Variants in MDGA1 observed in about 807,000 individuals in gnomAD.
MDGA1 encodes MAM domain containing glycosylphosphatidylinositol anchor 1.
Under a neutral mutation model 101.5 loss-of-function variants are expected in MDGA1, and 54 were observed. That is an observed-to-expected ratio of 0.53 (90% CI 0.43 to 0.67). The LOEUF is 0.67. Ranked by LOEUF, MDGA1 falls within the 30% of genes least tolerant of loss-of-function variation. The pLI is 0.00. For synonymous variants in MDGA1, 533 were observed against 558.3 expected (o/e 0.95, Z 0.64); for missense variants, 1,083 against 1,323.8 (o/e 0.82, Z 2.82).
At chr6:37,642,089 G>A (rs1280149345) in intron 14 of MDGA1, among the ~76,000 whole-genome samples, 10 of 151,264 alleles carry the variant, frequency 6.6e-5, no homozygotes, top group Admixed American at 4.0e-4. Context: ...ACAATTCAGA[G>A]GGAAAAAGCA....
At chr6:37,675,742 A>G (rs972938597) in intron 1 of MDGA1, among the ~76,000 whole-genome samples, 2 of 152,148 alleles carry the variant, frequency 1.3e-5, no homozygotes, top group African/African-American at 2.4e-5. Flanking sequence ...AGGGTTACTC[A>G]TTGTTACTCA....
chr6:37,694,871 G>A (rs993644606), intron 1 of MDGA1, among the ~76,000 whole-genome samples: 1 of 152,108 alleles, frequency 6.6e-6, no homozygotes, highest in Non-Finnish European at 1.5e-5. Context: ...CCTAGGCACA[G>A]GCGGGAGGGG....
chr6:37,639,019 G>C (rs140710348), intron 14 of MDGA1: 1 of 226,298 alleles, frequency 4.4e-6, no homozygotes, highest in African/African-American at 2.2e-5. Context: ...TGGGACCTCT[G>C]TCTGGGCACG....
At chr6:37,681,887 G>A (rs550735905) in intron 1 of MDGA1, among the ~76,000 whole-genome samples, 7 of 152,248 alleles carry the variant, frequency 4.6e-5, no homozygotes, top group Non-Finnish European at 1.0e-4. Flanking sequence ...AACCAGACAA[G>A]GGTGTCAGTG....
intron 3 of MDGA1, among the ~76,000 whole-genome samples, chr6:37,657,651 G>A (rs1462578426): frequency 6.6e-6 from 1 of 152,198 alleles, no homozygotes; most frequent in Non-Finnish European, 1.5e-5. Flanking sequence ...CAGGCTCCTG[G>A]GCCTGGGCCA....
intron 8 of MDGA1, 53 bp from the exon 9 acceptor site, chr6:37,649,319 AGGAGTGGCCCGTGG>A: frequency 7.0e-7 from 1 of 1,426,154 alleles, no homozygotes; most frequent in Non-Finnish European, 9.1e-7. Flanking sequence ...GTGGGGCCTG[AGGAGTGGCCCGTGG>A]GGAGGCAACG....
In MDGA1 at chr6:37,637,443, G is replaced by A. The variant is rs1264118815; in HGVS notation, c.2793C>T (p.Gly931=). 1 of 1,613,282 alleles carries A rather than the reference G, an allele frequency of 6.2e-7. No individual in the cohort carries two copies. The highest frequency in any genetic ancestry group is 1.7e-5 in the Admixed American group (1 of 60,008). Residue 931 remains glycine, a synonymous_variant, in exon 17 of 17, where the codon GGC becomes GGT. Transcript: ENST00000434837. The part of the protein sequence containing the change: ...TDPNKVVVMP[G]SGAPCQSSPQ... ...GGCTGGACTGGCAGGGGGCTCCACTGCCCGGCATCACCACCACTGCAACAG... is the reference window on the plus strand; with the variant it reads ...GGCTGGACTGGCAGGGGGCTCCACTACCCGGCATCACCACCACTGCAACAG...
At position 37,638,971 on chromosome 6, in the gene MDGA1, A is replaced by C; in HGVS notation, c.2537-304T>G. 3.4e-6 allele frequency: 1 copy of C among 296,382 alleles called. No homozygotes were observed. The highest frequency in any genetic ancestry group is 6.6e-6 in the Non-Finnish European group (1 of 151,432). 18.4% of individuals were successfully genotyped at this position (296,382 alleles called of 1,614,324 possible). A position where few individuals can be genotyped will look rare whatever the true frequency, so the allele number is the denominator to read the frequency against. On this transcript the variant is annotated intron_variant, in intron 14 of 16. Coordinates refer to ENST00000434837, the MANE Select transcript of MDGA1 (RefSeq NM_153487.4). The surrounding 1 kb of genome is among the most constrained non-coding windows in gnomAD (Gnocchi z 4.8). ...AAACACACACATGCACACACACCCT[A>C]CCCTTCCCCTCTAGGCAAGGGAGCT... is the stretch of plus-strand genomic sequence containing the variant.
intron 1 of MDGA1, among the ~76,000 whole-genome samples, chr6:37,667,142 A>C (rs1365233277): frequency 6.6e-6 from 1 of 152,260 alleles, no homozygotes; most frequent in East Asian, 1.9e-4. Context: ...GTGGCCCGGC[A>C]GCAGGTCGAT....
chr6:37,693,644 G>A (rs911892562), intron 1 of MDGA1, among the ~76,000 whole-genome samples: 5 of 152,326 alleles, frequency 3.3e-5, no homozygotes, highest in Middle Eastern at 3.4e-3. Context: ...GACGCTATCC[G>A]CATGCAAGAT....
At position 37,696,726 on chromosome 6, in the gene MDGA1, G is replaced by C; in HGVS notation, c.67+19C>G. The C allele has an allele frequency of 6.4e-7, 1 of 1,568,046 alleles. No homozygotes were observed. Among genetic ancestry groups the C allele is most frequent in the Non-Finnish European group, 8.7e-7 (1 of 1,155,320 alleles). On this transcript the variant is annotated intron_variant, in intron 1 of 16. Coordinates refer to ENST00000434837, the MANE Select transcript of MDGA1 (RefSeq NM_153487.4). The surrounding 1 kb of genome is among the most constrained non-coding windows in gnomAD (Gnocchi z 5.6). Reference sequence around the variant, plus strand: ...CCGCGCGAGGTTAAGCCAAGGTGGAGCGGGACGCGGGCTCTTACCGTAGAC... The same window carrying C: ...CCGCGCGAGGTTAAGCCAAGGTGGACCGGGACGCGGGCTCTTACCGTAGAC...
chr6:37,683,801 C>T (rs1762143740), intron 1 of MDGA1, among the ~76,000 whole-genome samples: 1 of 152,260 alleles, frequency 6.6e-6, no homozygotes, highest in Admixed American at 6.5e-5. Context: ...CCCCATTCCT[C>T]TACCAGAGTT....
At position 37,638,689 on chromosome 6, in the gene MDGA1, T is replaced by A; in HGVS notation, c.2537-22A>T. The A allele has an allele frequency of 1.2e-6, 2 of 1,604,582 alleles. No individual in the cohort carries two copies. Among genetic ancestry groups the A allele is most frequent in the Non-Finnish European group, 1.7e-6 (2 of 1,175,320 alleles). ...GAGCCTGCGGTGGGTGTGAAGACAG[T>A]GGGCAGTGAGATCTGGCCAGGGCAC... On this transcript the variant is annotated intron_variant, in intron 14 of 16. Coordinates refer to ENST00000434837, the MANE Select transcript of MDGA1 (RefSeq NM_153487.4). The surrounding 1 kb of genome is among the most constrained non-coding windows in gnomAD (Gnocchi z 4.8).
intron 1 of MDGA1, among the ~76,000 whole-genome samples, chr6:37,687,401 A>T (rs75183414): frequency 0.018 from 965 of 52,660 alleles, 6 homozygotes; most frequent in African/African-American, 0.069. Flanking sequence ...ACTAAAAATT[A>T]AAAAAAAAAA....
rs373430603 is a variant in MDGA1 at position 37,638,308 on chromosome 6, A to T, written c.2673T>A (p.Ile891=). ...PISPSGPFQI[I]FEGVRGPGYL... Reference sequence around the variant, plus strand: ...AGCCCGGGCCTCGAACCCCCTCAAAAATAATCTGGGGTGGGGTCAGAAAGC... The same window carrying T: ...AGCCCGGGCCTCGAACCCCCTCAAATATAATCTGGGGTGGGGTCAGAAAGC... The change falls in exon 16 of 17, where the codon ATT becomes ATA. Residue 891 remains isoleucine, a synonymous_variant. Coordinates refer to ENST00000434837, the MANE Select transcript of MDGA1 (RefSeq NM_153487.4). This position sits in a 1 kb window ranked among gnomAD's most constrained non-coding sequence, Gnocchi z 4.8. 9 of 1,604,240 alleles carry T rather than the reference A, an allele frequency of 5.6e-6. No homozygotes were observed. The African/African-American group carries it at 9.4e-5, about 17-fold the overall frequency.
rs559614549 is a variant in MDGA1, at chr6:37,638,078, T to A, written c.2776+127A>T. ...ACACCTTCACACAGTCAGAGCCACA[T>A]GATTCCCATCACTCAGACATTCTGA... On this transcript the variant is annotated intron_variant, in intron 16 of 16. Coordinates refer to ENST00000434837, the MANE Select transcript of MDGA1 (RefSeq NM_153487.4). The surrounding 1 kb of genome is among the most constrained non-coding windows in gnomAD (Gnocchi z 4.8). The A allele has an allele frequency of 5.3e-6, 4 of 749,912 alleles. No homozygotes were observed. Among genetic ancestry groups the A allele is most frequent in the African/African-American group, 5.2e-5 (3 of 58,020 alleles). The allele number at this position is 749,912 out of a possible 1,614,324, so 46.5% of individuals were successfully genotyped here.
chr6:37,649,004 A>G lies in MDGA1; in HGVS notation c.1872T>C (p.Ala624=), dbSNP rs1405276129. 1 of 1,552,502 alleles carries G rather than the reference A, an allele frequency of 6.4e-7. No homozygotes were observed. Among genetic ancestry groups the G allele is most frequent in the East Asian group, 2.5e-5 (1 of 40,444 alleles). Residue 624 remains alanine, a synonymous_variant, in exon 9 of 17, where the codon GCT becomes GCC. Transcript: ENST00000434837. ...CACCGGAGACCTGGAAGAGGCAGGC[A>G]GCCGAGCCCACATCGTTGGAGACGC... ...ECSVSNDVGS[A]ACLFQVSAKA...
Position 37,637,033 on chromosome 6 carries a change from G to A in MDGA1, c.*335C>T, listed in dbSNP as rs957353198. The A allele has an allele frequency of 4.5e-6, 1 of 220,750 alleles. No individual in the cohort carries two copies. 13.7% of individuals were successfully genotyped at this position (220,750 alleles called of 1,614,324 possible). A position where few individuals can be genotyped will look rare whatever the true frequency, so the allele number is the denominator to read the frequency against. ...GCAAGGACAAGGCCTATGTTGCGCC[G>A]AGGTCCCTGGGTTGGCGGATGCCAT... On this transcript the variant is annotated 3_prime_UTR_variant, in exon 17 of 17. Coordinates refer to ENST00000434837, the MANE Select transcript of MDGA1 (RefSeq NM_153487.4).
chr6:37,666,365 AAAAAAAAAAGAAAAG>A (rs1761753305), intron 1 of MDGA1, among the ~76,000 whole-genome samples: 1 of 151,772 alleles, frequency 6.6e-6, no homozygotes, highest in Non-Finnish European at 1.5e-5. Flanking sequence ...GTCTCAAAAA[AAAAAAAAAAGAAAAG>A]AAAAAAAAAG....
Sources: allele counts gnomAD v4.1 joint callset (sites outside exome capture counted in the v4.1 genomes callset), GRCh38; gene constraint gnomAD v4.1.1; non-coding constraint Gnocchi (gnomAD v3.1); transcripts MANE v1.5; gene names NCBI Gene and HGNC (gene_info 2026-07-23, HGNC 2026-07-21).